NPL: variants seen among roughly 807,000 people sequenced by gnomAD.
The protein encoded by NPL is N-acetylneuraminate pyruvate lyase.
In NPL, 32 loss-of-function variants were observed where a neutral mutation model predicts 41.1. The ratio of observed to expected loss-of-function variants is 0.78; its 90% CI spans 0.59 to 1.05. The LOEUF (loss-of-function observed/expected upper bound fraction) is 1.05. Among genes scored for constraint, NPL ranks in the 50% least tolerant of loss-of-function variants. The pLI, the probability that NPL is intolerant of heterozygous loss-of-function variation, is 0.00. For synonymous variants in NPL, 128 were observed against 134.9 expected (o/e 0.95, Z 0.35); for missense variants, 321 against 378.4 (o/e 0.85, Z 1.26).
At chr1:182,801,556 G>A (rs1666846530) in intron 3 of NPL, among the ~76,000 whole-genome samples, 1 of 152,202 alleles carries the variant, frequency 6.6e-6, no homozygotes, top group African/African-American at 2.4e-5. Flanking sequence ...TATCTCTCAA[G>A]AATGTTGGAG....
chr1:182,826,572 C>T (rs910160720), intron 12 of NPL: 1 of 152,302 alleles, frequency 6.6e-6, no homozygotes, highest in African/African-American at 2.4e-5. Flanking sequence ...GGGTTCTCAA[C>T]CCACTCTCTT....
chr1:182,809,460 T>C (rs1041878119), intron 5 of NPL, among the ~76,000 whole-genome samples: 1 of 151,244 alleles, frequency 6.6e-6, no homozygotes, highest in Non-Finnish European at 1.5e-5. Flanking sequence ...GAATCACTTG[T>C]ACCCTGGAGG....
Position 182,822,139 on chromosome 1 carries a change from G to A in NPL, c.678G>A (p.Lys226=), listed in dbSNP as rs1667503787. The A allele has an allele frequency of 1.2e-6, 2 of 1,613,524 alleles. No homozygotes were observed. The highest frequency in any genetic ancestry group is 2.2e-5 in the East Asian group (1 of 44,864). ...GTACCTATAACTACCTGGGAAAAAA[G>A]ACAAACCAGATGTTGGAGGCTTTTG... ...VGSTYNYLGK[K]TNQMLEAFEQ... Residue 226 remains lysine (K), a synonymous_variant, in exon 11 of 13, where the codon AAG becomes AAA. Coordinates refer to ENST00000367553, the MANE Select transcript of NPL (RefSeq NM_030769.3).
At chr1:182,801,894 CA>C (rs1369838259) in intron 3 of NPL, among the ~76,000 whole-genome samples, 1 of 152,162 alleles carries the variant, frequency 6.6e-6, no homozygotes, top group African/African-American at 2.4e-5. Flanking sequence ...CCTATTTATC[CA>C]ATGTCTTCTT....
intron 11 of NPL, among the ~76,000 whole-genome samples, chr1:182,824,433 ATATGT>A (rs1422084210): frequency 6.6e-6 from 1 of 152,232 alleles, no homozygotes; most frequent in East Asian, 1.9e-4. Context: ...GTTAAAACAA[ATATGT>A]TAAGCATTTT....
chr1:182,815,105 G>A (rs1457403221), intron 7 of NPL, among the ~76,000 whole-genome samples: 7 of 152,176 alleles, frequency 4.6e-5, no homozygotes, highest in Non-Finnish European at 8.8e-5. Flanking sequence ...TGGTTGATCT[G>A]TAGATGCCTG....
chr1:182,794,416 C>T lies in NPL; in HGVS notation c.45C>T (p.Thr15=), dbSNP rs1316093072. 4 of 1,614,184 alleles carry T rather than the reference C, an allele frequency of 2.5e-6. No homozygotes were observed. In the South Asian group the frequency reaches 4.4e-5, roughly 18 times the overall value. ...AACTTCAGGGTCTTGTGGCTGCAAC[C>T]ATCACGCCAATGACTGAGAATGGGT... ...KKKLQGLVAA[T]ITPMTENGEI... The change falls in exon 3 of 13, where the codon ACC becomes ACT. Residue 15 remains threonine, a synonymous_variant. Transcript: ENST00000367553.
At chr1:182,806,961 C>T (rs973404882) in intron 5 of NPL, among the ~76,000 whole-genome samples, 1 of 152,166 alleles carries the variant, frequency 6.6e-6, no homozygotes, top group East Asian at 1.9e-4. Flanking sequence ...GCCTCAGCCT[C>T]CCGAGTAGCT....
At chr1:182,818,922 G>C (rs1667413169) in intron 10 of NPL, 63 bp downstream of exon 10, 1 of 1,353,218 alleles carries the variant, frequency 7.4e-7, no homozygotes, top group South Asian at 1.2e-5. Flanking sequence ...CATCACCAAA[G>C]TAGCTGTATT....
At chr1:182,824,438 T>C (rs1667574925) in intron 11 of NPL, among the ~76,000 whole-genome samples, 1 of 152,220 alleles carries the variant, frequency 6.6e-6, no homozygotes, top group African/African-American at 2.4e-5. Context: ...AACAAATATG[T>C]TAAGCATTTT....
chr1:182,814,827 T>C lies in NPL; in HGVS notation c.333T>C (p.Ile111=), dbSNP rs763735872. ...TAGGAGCTGATGGCATCGCTGTCAT[T>C]GCACCGTTCTTCCTCAAGCCATGGA... ...AEIGADGIAV[I]APFFLKPWTK... The change falls in exon 7 of 13, where the codon ATT becomes ATC. Residue 111 remains isoleucine (I), a synonymous_variant. Transcript: ENST00000367553. 1 of 1,614,098 alleles carries C rather than the reference T, an allele frequency of 6.2e-7. No homozygotes were observed. The highest frequency in any genetic ancestry group is 1.1e-5 in the South Asian group (1 of 91,084).
In NPL at chr1:182,829,565, C is replaced by G; in HGVS notation, c.*657C>G. On this transcript the variant is annotated 3_prime_UTR_variant, in exon 13 of 13. Coordinates refer to ENST00000367553, the MANE Select transcript of NPL (RefSeq NM_030769.3). ...CTCATAACAAAGGAAAAAGTCTTCC[C>G]CAAAGATGAATTTAAGTCTCCACTT... is the stretch of plus-strand genomic sequence containing the variant. The G allele has an allele frequency of 1.3e-6, 2 of 1,534,908 alleles. No homozygotes were observed. The highest frequency in any genetic ancestry group is 1.8e-6 in the Non-Finnish European group (2 of 1,133,712).
At chr1:182,799,303 T>G (rs948232168) in intron 3 of NPL, among the ~76,000 whole-genome samples, 1 of 152,176 alleles carries the variant, frequency 6.6e-6, no homozygotes, top group Non-Finnish European at 1.5e-5. Context: ...GAAAAAGGAA[T>G]TAGAACAGAC....
chr1:182,804,373 C>T (rs1036875256), intron 4 of NPL, among the ~76,000 whole-genome samples: 3 of 152,180 alleles, frequency 2.0e-5, no homozygotes, highest in Non-Finnish European at 4.4e-5. Flanking sequence ...GGTGATCTGC[C>T]TGCCCCAGCC....
chr1:182,828,073 A>G lies in NPL; in HGVS notation c.779-651A>G, dbSNP rs1271985373. On this transcript the variant is annotated intron_variant, in intron 12 of 12. Transcript: ENST00000367553. This position sits in a 1 kb window ranked among gnomAD's most constrained non-coding sequence, Gnocchi z 4.0. ...ATCTGTTTCCATCCACAAGCCTAGT[A>G]GAAGTCAAGCTTTCTTCTTTATCCC... is the stretch of plus-strand genomic sequence containing the variant. Among the ~76,000 whole-genome samples the G allele has an allele frequency of 1.3e-5, 2 of 152,204 alleles. No individual in the cohort carries two copies. The highest frequency in any genetic ancestry group is 2.9e-5 in the Non-Finnish European group (2 of 68,028).
intron 5 of NPL, among the ~76,000 whole-genome samples, chr1:182,807,741 A>C (rs1356669591): frequency 6.9e-6 from 1 of 145,972 alleles, no homozygotes; most frequent in Non-Finnish European, 1.5e-5. Flanking sequence ...AAAAAAAAAA[A>C]TTAGCCAGGC....
rs61314915 is a variant in NPL, at chr1:182,807,890, C to CAAA, written c.230+1675_230+1677dup. On this transcript the variant is annotated intron_variant, in intron 5 of 12. Coordinates refer to ENST00000367553, the MANE Select transcript of NPL (RefSeq NM_030769.3). ...TGAGTGACAGAGTGAGACTCCATCT[C>CAAA]AAAAAAAAAAAAAAAAAAAGAACAG... is the stretch of plus-strand genomic sequence containing the variant. Among the ~76,000 whole-genome samples, 172 of 56,234 alleles carry CAAA rather than the reference C, an allele frequency of 3.1e-3. 1 individual carries two copies. The highest frequency in any genetic ancestry group is 9.5e-3 in the African/African-American group (150 of 15,770). 36.9% of individuals were successfully genotyped at this position (56,234 alleles called of 152,430 possible).
chr1:182,822,021 G>A (rs146682129), intron 10 of NPL, 94 bp from the exon 11 acceptor site: 5 of 829,742 alleles, frequency 6.0e-6, no homozygotes, highest in South Asian at 2.8e-5. Context: ...AGGACTAGGT[G>A]TATTTTTTCC....
At chr1:182,796,330 A>C (rs1167693820) in intron 3 of NPL, among the ~76,000 whole-genome samples, 2 of 152,026 alleles carry the variant, frequency 1.3e-5, no homozygotes, top group African/African-American at 4.8e-5. Context: ...TAGCTTTGGA[A>C]CACCCACCAA....
Sources: gnomAD v4.1 joint callset for allele counts (sites outside exome capture counted in the v4.1 genomes callset) on GRCh38, gnomAD v4.1.1 for gene constraint, Gnocchi (gnomAD v3.1) non-coding constraint, MANE v1.5 for transcripts, NCBI Gene and HGNC (gene_info 2026-07-23, HGNC 2026-07-21) for gene names.